The following HGS variants were observed in gnomAD, a reference collection of about 807,000 sequenced individuals.
HGS encodes human growth factor-regulated tyrosine kinase substrate.
In HGS, 63 loss-of-function variants were observed where a neutral mutation model predicts 109.7. The observed-to-expected ratio is 0.57, with a 90% CI of 0.47 to 0.71. The LOEUF (loss-of-function observed/expected upper bound fraction) is 0.71. Among genes scored for constraint, HGS ranks in the 30% least tolerant of loss-of-function variants. HGS has a pLI of 0.00. For synonymous variants in HGS, 546 were observed against 437.3 expected (o/e 1.25, Z -3.10); for missense variants, 995 against 1,068.3 (o/e 0.93, Z 0.96).
At position 81,700,241 on chromosome 17, in the gene HGS, C is replaced by T. The variant is rs144298481; in HGVS notation, c.1883-226C>T. 4.6e-4 allele frequency among the ~76,000 whole-genome samples: 70 copies of T among 151,644 alleles called. 2 individuals are homozygous for T. The East Asian group carries it at 0.013, about 27-fold the overall frequency. ...AAAATTAGCCGGGCGTAGTGGCGTA[C>T]GCCCGTAATCCCAGCTACTCGGGAG... On this transcript the variant is annotated intron_variant, in intron 18 of 21. Transcript: ENST00000329138.
Position 81,695,636 on chromosome 17 carries a change from C to T in HGS, c.1180-150C>T, listed in dbSNP as rs559946505. ...AAGGACCCCGCCTCCAGGGCCTCGC[C>T]TTCCTCAGCTGTAGAAGGGGCTGCT... On this transcript the variant is annotated intron_variant, in intron 14 of 21. Transcript: ENST00000329138. 35 of 709,638 alleles carry T rather than the reference C, an allele frequency of 4.9e-5. No individual in the cohort carries two copies. The East Asian group carries it at 9.2e-4, about 19-fold the overall frequency. 44.0% of individuals were successfully genotyped at this position (709,638 alleles called of 1,614,324 possible). A position where few individuals can be genotyped will look rare whatever the true frequency, so the allele number is the denominator to read the frequency against.
chr17:81,686,798 C>G (rs1013057940), intron 3 of HGS, among the ~76,000 whole-genome samples: 7 of 151,342 alleles, frequency 4.6e-5, no homozygotes, highest in Middle Eastern at 6.8e-3. Flanking sequence ...ACGGGCCTGT[C>G]GAAGGGCTCT....
chr17:81,685,138 G>C (rs1254790237), intron 1 of HGS: 3 of 896,254 alleles, frequency 3.3e-6, no homozygotes, highest in Non-Finnish European at 2.7e-6. Flanking sequence ...TTGGAGCAAG[G>C]GGCCTGGAGT....
chr17:81,688,594 G>T, intron 4 of HGS, 110 bp from the exon 5 acceptor site: 2 of 1,401,422 alleles, frequency 1.4e-6, no homozygotes, highest in Non-Finnish European at 2.0e-6. Context: ...CCTGGCCTCT[G>T]TGTCAGCCCC....
At chr17:81,684,571 A>G (rs111399065) in intron 1 of HGS, 2,826 of 159,276 alleles carry the variant, frequency 0.018, 31 homozygotes, top group Non-Finnish European at 0.024. Flanking sequence ...TGCGGGTCCC[A>G]GACCCACCTT....
chr17:81,690,645 G>A (rs145059703), intron 6 of HGS, 29 bp from the exon 7 acceptor site: 86 of 1,602,054 alleles, frequency 5.4e-5, no homozygotes, highest in Non-Finnish European at 6.8e-5. Flanking sequence ...GGCGGGAAGC[G>A]TGTGGTCCTG....
intron 4 of HGS, among the ~76,000 whole-genome samples, chr17:81,687,873 A>G (rs748668706): frequency 1.3e-5 from 2 of 152,184 alleles, no homozygotes; most frequent in Non-Finnish European, 2.9e-5. Context: ...AGGCCTCTCA[A>G]AGGCCCTCAC....
In HGS at chr17:81,693,867, C is replaced by G. The variant is rs1278944854; in HGVS notation, c.841-3C>G. ...AGTGACGCCCCTTCTGATTCTGCCT[C>G]AGAGACAGAAGTCCACGTACACTTC... On this transcript the variant is annotated splice_polypyrimidine_tract_variant and splice_region_variant and intron_variant, in intron 10 of 21. Transcript: ENST00000329138. 6.2e-7 allele frequency: 1 copy of G among 1,605,268 alleles called. No homozygotes were observed.
chr17:81,694,806 T>C lies in HGS; in HGVS notation c.937-9T>C. On this transcript the variant is annotated splice_polypyrimidine_tract_variant and intron_variant, in intron 11 of 21. Transcript: ENST00000329138. ...CACCTGTGAGACTCAGATGCCCTTT[T>C]CTCCCCAGAACTCGTCGGCGCCTCT... 4 of 1,614,194 alleles carry C rather than the reference T, an allele frequency of 2.5e-6. No individual in the cohort carries two copies. The highest frequency in any genetic ancestry group is 3.4e-6 in the Non-Finnish European group (4 of 1,180,024).
chr17:81,687,248 A>T (rs900721383), intron 4 of HGS, among the ~76,000 whole-genome samples, 153 bp downstream of exon 4: 2 of 152,242 alleles, frequency 1.3e-5, no homozygotes, highest in African/African-American at 4.8e-5. Flanking sequence ...GCTCGCACTC[A>T]TGAGTCGGAG....
chr17:81,699,600 ATTT>A (rs528485270), intron 18 of HGS, among the ~76,000 whole-genome samples: 118 of 152,128 alleles, frequency 7.8e-4, no homozygotes, highest in Middle Eastern at 3.4e-3. Context: ...TAGTTTTTGT[ATTT>A]TTATTAGAGA....
In HGS at chr17:81,693,538, T is replaced by A. The variant is rs140893562; in HGVS notation, c.698T>A (p.Leu233Gln). The A allele has an allele frequency of 6.2e-7, 1 of 1,613,240 alleles. No homozygotes were observed. The highest frequency in any genetic ancestry group is 8.5e-7 in the Non-Finnish European group (1 of 1,179,698). Reference sequence around the variant, plus strand: ...GGAAAGGCCACTTCCACCACTGAGCTGCCCCCCGAGTACCTGACCAGCCCC... The same window carrying A: ...GGAAAGGCCACTTCCACCACTGAGCAGCCCCCCGAGTACCTGACCAGCCCC... Reference protein sequence around the residue: ...AEGKATSTTELPPEYLTSPLS... With the variant: ...AEGKATSTTEQPPEYLTSPLS... Residue 233 changes from leucine (L) to glutamine (Q), a missense_variant, in exon 9 of 22, where the codon CTG becomes CAG. Leu to Gln is a moderately radical substitution (Grantham distance 113, BLOSUM62 -2). Transcript: ENST00000329138.
In HGS at chr17:81,696,438, G is replaced by A. The variant is rs777290343; in HGVS notation, c.1475G>A (p.Arg492Gln). The change falls in exon 16 of 22, where the codon CGG becomes CAG. Residue 492 changes from arginine (R) to glutamine (Q), a missense_variant. Arg to Gln is a conservative substitution (Grantham distance 43). Coordinates refer to ENST00000329138, the MANE Select transcript of HGS (RefSeq NM_004712.5). ...CTGAGTGCCCTGCGCGAAGAGCACC[G>A]GGAGAAGCTTCGCCGGGCAGCCGAG... is the stretch of plus-strand genomic sequence containing the variant. ...GALSALREEHREKLRRAAEEA... is the reference protein window; with the variant it reads ...GALSALREEHQEKLRRAAEEA... 14 of 1,561,698 alleles carry A rather than the reference G, an allele frequency of 9.0e-6. No individual in the cohort carries two copies. Among genetic ancestry groups the A allele is most frequent in the Middle Eastern group, 1.8e-4 (1 of 5,560 alleles).
intron 5 of HGS, 146 bp from the exon 6 acceptor site, chr17:81,690,036 G>A (rs1197113641): frequency 8.1e-6 from 6 of 742,212 alleles, no homozygotes; most frequent in Non-Finnish European, 1.1e-5. Context: ...AATCTTGGGG[G>A]CAGGAGGCTG....
rs1283808072 is a variant in HGS, at chr17:81,691,775, G to A, written c.662+204G>A. 3 of 568,940 alleles carry A rather than the reference G, an allele frequency of 5.3e-6. No homozygotes were observed. The highest frequency in any genetic ancestry group is 9.2e-6 in the Non-Finnish European group (3 of 327,730). The allele number at this position is 568,940 out of a possible 1,614,324, so 35.2% of individuals were successfully genotyped here. A position where few individuals can be genotyped will look rare whatever the true frequency, so the allele number is the denominator to read the frequency against. On this transcript the variant is annotated intron_variant, in intron 8 of 21. Transcript: ENST00000329138. The surrounding 1 kb of genome is among the most constrained non-coding windows in gnomAD (Gnocchi z 5.3). ...AGGGCAGGTGGGTGTGAGAGACAGG[G>A]CGCCGCGGCTCCAGGGACCGAGGCT...
At position 81,691,540 on chromosome 17, in the gene HGS, G is replaced by A; in HGVS notation, c.631G>A (p.Val211Met). The A allele has an allele frequency of 6.2e-7, 1 of 1,614,124 alleles. No individual in the cohort carries two copies. Among genetic ancestry groups the A allele is most frequent in the Non-Finnish European group, 8.5e-7 (1 of 1,180,002 alleles). Residue 211 changes from valine (V) to methionine (M), a missense_variant, in exon 8 of 22, where the codon GTG becomes ATG. By Grantham distance (21) the Val-to-Met change is conservative. This residue lies in a region of HGS where 182 missense variants were observed against 261.3 expected (regional missense o/e 0.70). Coordinates refer to ENST00000329138, the MANE Select transcript of HGS (RefSeq NM_004712.5). The surrounding 1 kb of genome is among the most constrained non-coding windows in gnomAD (Gnocchi z 5.3). ...PKFGIEKEVRVCEPCYEQLNR... is the reference protein window; with the variant it reads ...PKFGIEKEVRMCEPCYEQLNR... ...GTTTGGCATCGAGAAGGAGGTGCGC[G>A]TGTGTGAGCCCTGCTACGAGCAGCT...
chr17:81,692,967 C>T (rs757498926), intron 8 of HGS: 3 of 151,870 alleles, frequency 2.0e-5, no homozygotes, highest in South Asian at 2.1e-4. Flanking sequence ...GCCAAGATGG[C>T]GCCACTGCAT....
chr17:81,698,229 G>GGAGGTTGCAGTGAGCC (rs1392535766), intron 18 of HGS: 4 of 152,144 alleles, frequency 2.6e-5, no homozygotes, highest in South Asian at 2.1e-4. Context: ...CCCGGGAAGT[G>GGAGGTTGCAGTGAGCC]GAGGTTGCAG....
At position 81,696,473 on chromosome 17, in the gene HGS, C is replaced by T. The variant is rs907022536; in HGVS notation, c.1510C>T (p.Arg504Cys). Residue 504 changes from arginine to cysteine, a missense_variant, in exon 16 of 22, where the codon CGC (arginine) becomes TGC (cysteine). This residue lies in a region of HGS where 163 missense variants were observed against 217.8 expected (regional missense o/e 0.75). Transcript: ENST00000329138. Reference sequence around the variant, plus strand: ...TCGCCGGGCAGCCGAGGAGGCAGAGCGCCAGCGCCAGATCCAGCTGGCCCA... The same window carrying T: ...TCGCCGGGCAGCCGAGGAGGCAGAGTGCCAGCGCCAGATCCAGCTGGCCCA... The part of the protein sequence containing the change: ...KLRRAAEEAE[R>C]QRQIQLAQKL... 9 of 1,529,974 alleles carry T rather than the reference C, an allele frequency of 5.9e-6. No individual in the cohort carries two copies. The highest frequency in any genetic ancestry group is 2.3e-5 in the East Asian group (1 of 42,890). The allele number at this position is 1,529,974 out of a possible 1,614,324, so 94.8% of individuals were successfully genotyped here.
Sources: gnomAD v4.1 joint callset for allele counts (sites outside exome capture counted in the v4.1 genomes callset) on GRCh38, gnomAD v4.1.1 for gene constraint, gnomAD v4.1.1 regional missense constraint, Gnocchi (gnomAD v3.1) non-coding constraint, MANE v1.5 for transcripts, NCBI Gene and HGNC (gene_info 2026-07-23, HGNC 2026-07-21) for gene names.